MPPED1: variants seen among roughly 807,000 people sequenced by gnomAD.
MPPED1 encodes the protein metallophosphoesterase domain containing 1, also known as metallophosphoesterase domain-containing protein 1.
In MPPED1, 16 loss-of-function variants were observed where a neutral mutation model predicts 36.2. The observed-to-expected ratio is 0.44, with a 90% CI of 0.30 to 0.67. The LOEUF is 0.67. Ranked by LOEUF, MPPED1 falls within the 30% of genes least tolerant of loss-of-function variation. The pLI is 0.10. For synonymous variants in MPPED1, 199 were observed against 191.3 expected, an observed-to-expected ratio of 1.04 and a Z score of -0.33; for missense variants, 307 against 453.4, an observed-to-expected ratio of 0.68 and a Z score of 2.93.
At chr22:43,412,935 C>T (rs925671332) in intron 1 of MPPED1, among the ~76,000 whole-genome samples, 1 of 152,188 alleles carries the variant, frequency 6.6e-6, no homozygotes, top group South Asian at 2.1e-4. Flanking sequence ...ACTGATGTGC[C>T]CAGGAGTCTG....
At chr22:43,464,944 C>G (rs1363871016) in intron 3 of MPPED1, among the ~76,000 whole-genome samples, 1 of 152,204 alleles carries the variant, frequency 6.6e-6, no homozygotes, top group African/African-American at 2.4e-5. Context: ...GAATCCCGTC[C>G]TATACAAGGG....
At chr22:43,488,489 G>A (rs1041539138) in intron 4 of MPPED1, among the ~76,000 whole-genome samples, 1 of 152,188 alleles carries the variant, frequency 6.6e-6, no homozygotes, top group Non-Finnish European at 1.5e-5. Context: ...ACTGTTTAAC[G>A]ATTGGCCACG....
intron 3 of MPPED1, among the ~76,000 whole-genome samples, chr22:43,468,347 G>A (rs1047933690): frequency 6.6e-6 from 1 of 152,204 alleles, no homozygotes; most frequent in Non-Finnish European, 1.5e-5. Flanking sequence ...CAGAGGCTGG[G>A]AGATCAGCGT....
At chr22:43,500,161 TGATGGTGATGGA>T in intron 5 of MPPED1, among the ~76,000 whole-genome samples, 1 of 61,574 alleles carries the variant, frequency 1.6e-5, no homozygotes, top group Non-Finnish European at 2.8e-5. Context: ...GTGGTGGTGG[TGATGGTGATGGA>T]GGTGGTGGTG....
At chr22:43,458,375 C>T (rs191545999) in intron 3 of MPPED1, among the ~76,000 whole-genome samples, 1 of 151,632 alleles carries the variant, frequency 6.6e-6, no homozygotes, top group East Asian at 1.9e-4. Context: ...AACCTCTGAC[C>T]CCCTGGTTCA....
chr22:43,474,209 C>T lies in MPPED1; in HGVS notation c.407-527C>T, dbSNP rs186122590. Among the ~76,000 whole-genome samples, 5 of 152,242 alleles carry T rather than the reference C, an allele frequency of 3.3e-5. No individual in the cohort carries two copies. The highest frequency in any genetic ancestry group is 2.1e-4 in the South Asian group (1 of 4,820). ...GTGACAGCTAGGGCTGGGGATGCAG[C>T]GTGGGGGTCTTCTTCCAGTAGAAAA... On this transcript the variant is annotated intron_variant, in intron 3 of 6. Transcript: ENST00000443721. This position sits in a 1 kb window ranked among gnomAD's most constrained non-coding sequence, Gnocchi z 5.2.
In MPPED1 at chr22:43,496,149, AGGT is replaced by A. The variant is rs752307103; in HGVS notation, c.633-2074_633-2072del. On this transcript the variant is annotated intron_variant, in intron 4 of 6. Transcript: ENST00000443721. The stretch of plus-strand genomic sequence containing the variant: ...GTGGTGGTGGAGGTGGTGATGGTGG[AGGT>A]GGTGGTGGTGGAGGTGGTGATGGTG... 3.0e-3 allele frequency among the ~76,000 whole-genome samples: 83 copies of A among 27,586 alleles called. 8 individuals carry two copies. The highest frequency in any genetic ancestry group is 0.014 in the African/African-American group (32 of 2,344). The allele number at this position is 27,586 out of a possible 152,430, so 18.1% of individuals were successfully genotyped here. A position where few individuals can be genotyped will look rare whatever the true frequency, so the allele number is the denominator to read the frequency against.
Position 43,448,578 on chromosome 22 carries a change from T to TTTTATTTA in MPPED1, c.406+13398_406+13405dup, listed in dbSNP as rs135048. ...CAAGGTCTAGGCTCTTTTAAAATCT[T>TTTTATTTA]TTTATTTATTTATTTATTTATTTAT... is the stretch of plus-strand genomic sequence containing the variant. On this transcript the variant is annotated intron_variant, in intron 3 of 6. Transcript: ENST00000443721. Among the ~76,000 whole-genome samples, 879 of 147,344 alleles carry TTTTATTTA rather than the reference T, an allele frequency of 6.0e-3. 5 individuals are homozygous for TTTTATTTA. The highest frequency in any genetic ancestry group is 0.015 in the African/African-American group (618 of 39,916).
intron 4 of MPPED1, among the ~76,000 whole-genome samples, chr22:43,495,986 A>G (rs1470803178): frequency 0.098 from 1,340 of 13,610 alleles, no homozygotes; most frequent in Middle Eastern, 0.14. Flanking sequence ...GGTGGTGGAG[A>G]TGGTGGTGGT....
chr22:43,424,959 A>T lies in MPPED1; in HGVS notation c.-27A>T. On this transcript the variant is annotated 5_prime_UTR_variant, in exon 2 of 7. Coordinates refer to ENST00000443721, the MANE Select transcript of MPPED1 (RefSeq NM_001044370.2). ...GGGCTGCGGTGGCGGCAGCGGTGGG[A>T]GATGCCGGGGCGGCCGGCGGAGGTC... 6.4e-7 allele frequency: 1 copy of T among 1,556,018 alleles called. No homozygotes were observed. The highest frequency in any genetic ancestry group is 8.7e-7 in the Non-Finnish European group (1 of 1,152,120).
intron 5 of MPPED1, among the ~76,000 whole-genome samples, chr22:43,501,629 G>A (rs1283145212): frequency 1.1e-4 from 16 of 152,250 alleles, no homozygotes; most frequent in Admixed American, 7.2e-4. Context: ...AGAAGGATCC[G>A]GCCTCATGCA....
At chr22:43,503,830 ACACAATTGGACAGG>A (rs1253624231) in intron 6 of MPPED1, among the ~76,000 whole-genome samples, 1 of 152,072 alleles carries the variant, frequency 6.6e-6, no homozygotes, top group African/African-American at 2.4e-5. Flanking sequence ...CCACACCCCC[ACACAATTGGACAGG>A]CACAATTGGA....
Position 43,431,677 on chromosome 22 carries a change from A to G in MPPED1, c.225-3357A>G, listed in dbSNP as rs1569066703. On this transcript the variant is annotated intron_variant, in intron 2 of 6. Transcript: ENST00000443721. ...GCTCACCTGTAAAATGGGGCTACCC[A>G]TAGTACCCTGCTTAGATGGTCATTA... Among the ~76,000 whole-genome samples, 3 of 152,234 alleles carry G rather than the reference A, an allele frequency of 2.0e-5. 1 individual carries two copies. The South Asian group carries it at 6.2e-4, about 32-fold the overall frequency.
intron 3 of MPPED1, among the ~76,000 whole-genome samples, chr22:43,436,298 C>A (rs1003473645): frequency 6.6e-6 from 1 of 152,156 alleles, no homozygotes; most frequent in Non-Finnish European, 1.5e-5. Context: ...CACCTTCCTG[C>A]GCAGCCCCAC....
At chr22:43,487,386 T>G (rs1931945932) in intron 4 of MPPED1, among the ~76,000 whole-genome samples, 1 of 152,124 alleles carries the variant, frequency 6.6e-6, no homozygotes, top group Admixed American at 6.5e-5. Context: ...TGGTTAAGGT[T>G]GACATGGGTG....
chr22:43,480,603 G>C (rs566380158), intron 4 of MPPED1, among the ~76,000 whole-genome samples: 2 of 152,240 alleles, frequency 1.3e-5, no homozygotes, highest in East Asian at 1.9e-4. Flanking sequence ...TTCTGATTAT[G>C]AGTATGAGCC....
chr22:43,473,502 C>T (rs1784683705), intron 3 of MPPED1, among the ~76,000 whole-genome samples: 1 of 152,206 alleles, frequency 6.6e-6, no homozygotes, highest in African/African-American at 2.4e-5. Context: ...CTTGCCTGAC[C>T]CTCCAGGTCA....
At chr22:43,466,102 C>T (rs1194997851) in intron 3 of MPPED1, among the ~76,000 whole-genome samples, 1 of 152,210 alleles carries the variant, frequency 6.6e-6, no homozygotes, top group African/African-American at 2.4e-5. Flanking sequence ...CTGAATGTTC[C>T]TGTTTTTAAA....
At chr22:43,468,661 C>T (rs1232784681) in intron 3 of MPPED1, among the ~76,000 whole-genome samples, 1 of 152,178 alleles carries the variant, frequency 6.6e-6, no homozygotes, top group Admixed American at 6.5e-5. Flanking sequence ...GAGCTACAGG[C>T]CTCTTGGTGG....
Sources: allele counts gnomAD v4.1 joint callset (sites outside exome capture counted in the v4.1 genomes callset), GRCh38; gene constraint gnomAD v4.1.1; non-coding constraint Gnocchi (gnomAD v3.1); transcripts MANE v1.5; gene names NCBI Gene and HGNC (gene_info 2026-07-23, HGNC 2026-07-21).